Variants in FOXN3 observed in about 807,000 individuals in gnomAD.
The protein encoded by FOXN3 is forkhead box protein N3.
FOXN3 carries 7 observed loss-of-function variants against 38.4 expected under a neutral mutation model. The observed-to-expected ratio is 0.18, with a 90% CI of 0.10 to 0.34. FOXN3 has a LOEUF of 0.34. Ranked by LOEUF, FOXN3 falls within the 10% of genes least tolerant of loss-of-function variation. FOXN3 has a pLI of 1.00. For missense variants in FOXN3, 456 were observed against 613.4 expected (o/e 0.74, Z 2.71); for synonymous variants, 230 against 242.2 (o/e 0.95, Z 0.47).
At chr14:89,438,083 C>T (rs1428498447) in intron 1 of FOXN3, among the ~76,000 whole-genome samples, 2 of 152,248 alleles carry the variant, frequency 1.3e-5, no homozygotes, top group East Asian at 1.9e-4. Flanking sequence ...TGCATAAGAA[C>T]ACATTCTTTA....
chr14:89,224,442 A>C (rs892047859), intron 4 of FOXN3, among the ~76,000 whole-genome samples: 13 of 152,222 alleles, frequency 8.5e-5, no homozygotes, highest in African/African-American at 3.1e-4. Flanking sequence ...TTTCATAAAA[A>C]TTAATTTCAA....
At chr14:89,553,165 G>C (rs949797104) in intron 1 of FOXN3, among the ~76,000 whole-genome samples, 21 of 149,434 alleles carry the variant, frequency 1.4e-4, no homozygotes, top group African/African-American at 5.2e-4. Flanking sequence ...CTTGAGACCA[G>C]GCAGTTGAGA....
chr14:89,598,575 A>G (rs1455524110), intron 1 of FOXN3, among the ~76,000 whole-genome samples: 1 of 152,226 alleles, frequency 6.6e-6, no homozygotes, highest in Non-Finnish European at 1.5e-5. Context: ...ATGAGCCGCC[A>G]TGCTCAGCCT....
chr14:89,567,721 ATTT>A (rs58016745), intron 1 of FOXN3, among the ~76,000 whole-genome samples: 31 of 129,416 alleles, frequency 2.4e-4, no homozygotes, highest in Admixed American at 5.4e-4. Context: ...AATCTCGTTG[ATTT>A]TTTTTTTTTT....
chr14:89,330,000 C>A (rs1423866066), intron 3 of FOXN3, among the ~76,000 whole-genome samples: 4 of 152,062 alleles, frequency 2.6e-5, no homozygotes, highest in African/African-American at 7.2e-5. Flanking sequence ...GTGTGCCAGC[C>A]ATCCCTGCTC....
chr14:89,228,652 G>A (rs1437518262), intron 4 of FOXN3, among the ~76,000 whole-genome samples: 1 of 152,046 alleles, frequency 6.6e-6, no homozygotes, highest in Admixed American at 6.6e-5. Context: ...TTAACTATAG[G>A]AATAAAAAAA....
At chr14:89,348,611 C>T (rs1750129258) in intron 3 of FOXN3, among the ~76,000 whole-genome samples, 1 of 152,112 alleles carries the variant, frequency 6.6e-6, no homozygotes, top group South Asian at 2.1e-4. Context: ...CCAGTGACCT[C>T]TGTGGAGGTG....
intron 1 of FOXN3, among the ~76,000 whole-genome samples, chr14:89,528,391 T>TTTTTTA: frequency 7.9e-6 from 1 of 126,750 alleles, no homozygotes; most frequent in African/African-American, 3.9e-5. Flanking sequence ...TTTTTTTTTT[T>TTTTTTA]TTTTTTTTTT....
intron 3 of FOXN3, among the ~76,000 whole-genome samples, chr14:89,299,658 C>T (rs1355989201): frequency 6.6e-6 from 1 of 152,224 alleles, no homozygotes; most frequent in Non-Finnish European, 1.5e-5. Context: ...ACACCTCCCA[C>T]TTTGGCCGTG....
rs143955664 is a variant in FOXN3 at position 89,538,764 on chromosome 14, C to G, written c.-15+80264G>C. ...AACTCCCGACCTCAGGTGATCCGCC[C>G]GCCTCAGCCTCCCAAAAGAGCTGGA... On this transcript the variant is annotated intron_variant, in intron 1 of 6. Transcript: ENST00000345097. Among the ~76,000 whole-genome samples the G allele has an allele frequency of 3.7e-3, 567 of 152,088 alleles. 6 individuals carry two copies. Among genetic ancestry groups the G allele is most frequent in the African/African-American group, 0.013 (543 of 41,488 alleles).
At chr14:89,167,818 G>A (rs143906175) in intron 5 of FOXN3, among the ~76,000 whole-genome samples, 209 of 152,316 alleles carry the variant, frequency 1.4e-3, no homozygotes, top group African/African-American at 4.9e-3. Context: ...AACGAAGAAA[G>A]CCAAAGTTTC....
chr14:89,405,866 G>A (rs548155001), intron 2 of FOXN3, among the ~76,000 whole-genome samples: 1 of 152,242 alleles, frequency 6.6e-6, no homozygotes, highest in Non-Finnish European at 1.5e-5. Flanking sequence ...GAAGGCCTAG[G>A]CAAGCACCAG....
At chr14:89,341,539 T>C (rs1596196731) in intron 3 of FOXN3, among the ~76,000 whole-genome samples, 2 of 152,302 alleles carry the variant, frequency 1.3e-5, no homozygotes, top group Middle Eastern at 3.4e-3. Context: ...TACTTCTTAA[T>C]CTCCCTCCTT....
intron 1 of FOXN3, among the ~76,000 whole-genome samples, chr14:89,532,752 A>T (rs774343611): frequency 6.6e-5 from 10 of 152,236 alleles, no homozygotes; most frequent in Non-Finnish European, 1.5e-4. Context: ...GGTCAACCAG[A>T]TGATTATTTT....
At chr14:89,574,888 T>C (rs1043326737) in intron 1 of FOXN3, among the ~76,000 whole-genome samples, 2 of 151,566 alleles carry the variant, frequency 1.3e-5, no homozygotes, top group African/African-American at 4.9e-5. Context: ...AAAAAAAAAA[T>C]TGTAAATTTC....
At chr14:89,505,874 C>T (rs1386939925) in intron 1 of FOXN3, among the ~76,000 whole-genome samples, 1 of 148,820 alleles carries the variant, frequency 6.7e-6, no homozygotes, top group Non-Finnish European at 1.5e-5. Context: ...GTGGGGAGCG[C>T]CTCTGCCCTG....
intron 5 of FOXN3, among the ~76,000 whole-genome samples, chr14:89,170,749 G>T (rs1304348092): frequency 1.3e-5 from 2 of 151,942 alleles, no homozygotes; most frequent in Non-Finnish European, 2.9e-5. Context: ...CTTTAGTGTG[G>T]AAATTCAAAA....
At chr14:89,186,293 C>T (rs1458288809) in intron 4 of FOXN3, among the ~76,000 whole-genome samples, 1 of 152,086 alleles carries the variant, frequency 6.6e-6, no homozygotes, top group African/African-American at 2.4e-5. Flanking sequence ...GGAACGCCTT[C>T]CCCCAATCCC....
intron 1 of FOXN3, among the ~76,000 whole-genome samples, chr14:89,489,539 A>G (rs1299520326): frequency 2.0e-5 from 3 of 152,182 alleles, no homozygotes; most frequent in Non-Finnish European, 2.9e-5. Flanking sequence ...ATTTTTTTAT[A>G]TTCCTCTAAC....
Sources: allele counts gnomAD v4.1 joint callset (sites outside exome capture counted in the v4.1 genomes callset), GRCh38; gene constraint gnomAD v4.1.1; transcripts MANE v1.5; gene names NCBI Gene and HGNC (gene_info 2026-07-23, HGNC 2026-07-21).